The following EPG5 variants were observed in gnomAD, a reference collection of about 807,000 sequenced individuals.
The protein encoded by EPG5 is ectopic P granules protein 5 homolog.
Under a neutral mutation model 302.7 loss-of-function variants are expected in EPG5, and 159 were observed. The observed-to-expected ratio is 0.53, with a 90% confidence interval of 0.46 to 0.60. The LOEUF (loss-of-function observed/expected upper bound fraction) is 0.60. Among genes scored for constraint, EPG5 ranks in the 20% least tolerant of loss-of-function variants. The probability of loss-of-function intolerance (pLI) is 0.00; values close to 1 mark genes in which losing one functional copy is unlikely to be tolerated. For missense variants in EPG5, 2,896 were observed against 3,092.4 expected (o/e 0.94, Z 1.51); for synonymous variants, 1,158 against 1,136.8 (o/e 1.02, Z -0.37).
At position 45,858,062 on chromosome 18, in the gene EPG5, C is replaced by A. The variant is rs763354631; in HGVS notation, c.7233G>T (p.Val2411=). The A allele has an allele frequency of 6.2e-7, 1 of 1,613,230 alleles. No homozygotes were observed. Among genetic ancestry groups the A allele is most frequent in the Non-Finnish European group, 8.5e-7 (1 of 1,179,436 alleles). ...ACAAAAACAGCTTTGCCTCTTCCTC[C>A]ACGGAGCTAGGGGAGGCACCGGAGG... is the stretch of plus-strand genomic sequence containing the variant. ...KWLEQVYPSS[V]EEEAKLFLWW... is the part of the protein sequence containing the mutation. The change falls in exon 42 of 44, where the codon GTG becomes GTT. Residue 2411 remains valine (V), a synonymous_variant. Transcript: ENST00000282041.
intron 12 of EPG5, among the ~76,000 whole-genome samples, chr18:45,930,167 C>T (rs757910988): frequency 1.5e-4 from 23 of 152,328 alleles, no homozygotes; most frequent in Non-Finnish European, 2.6e-4. Context: ...CAAGGATCTC[C>T]TCCCAGCCTG....
At chr18:45,929,292 C>A (rs1429439127) in intron 12 of EPG5, among the ~76,000 whole-genome samples, 1 of 152,108 alleles carries the variant, frequency 6.6e-6, no homozygotes, top group Non-Finnish European at 1.5e-5. Context: ...TAAAATGGTT[C>A]CTGCAGTTTC....
intron 10 of EPG5, among the ~76,000 whole-genome samples, chr18:45,936,608 G>A (rs536121830): frequency 6.6e-6 from 1 of 151,088 alleles, no homozygotes; most frequent in African/African-American, 2.4e-5. Flanking sequence ...TGCGCCTATA[G>A]TCTCAGCTAC....
Position 45,860,521 on chromosome 18 carries a change from G to T in EPG5, c.6767-175C>A, listed in dbSNP as rs115770052. On this transcript the variant is annotated intron_variant, in intron 39 of 43. Coordinates refer to ENST00000282041, the MANE Select transcript of EPG5 (RefSeq NM_020964.3). ...GGATGGTGTTAAGTTTGTACAGGTA[G>T]TATGCGGCACACGGTTACTAAGAGT... Among the ~76,000 whole-genome samples, 1,107 of 152,356 alleles carry T rather than the reference G, an allele frequency of 7.3e-3. 15 individuals carry two copies. Among genetic ancestry groups the T allele is most frequent in the African/African-American group, 0.025 (1,056 of 41,584 alleles).
intron 9 of EPG5, among the ~76,000 whole-genome samples, chr18:45,941,482 C>A (rs962544470): frequency 6.6e-6 from 1 of 152,040 alleles, no homozygotes; most frequent in African/African-American, 2.4e-5. Flanking sequence ...TGAAGGCAAG[C>A]CCTTATGGGA....
At chr18:45,855,452 G>A in intron 43 of EPG5, 121 bp downstream of exon 43, 1 of 649,530 alleles carries the variant, frequency 1.5e-6, no homozygotes, top group Non-Finnish European at 2.6e-6. Context: ...ACATGAAAGG[G>A]AACACTGTGC....
the EPG5 span, among the ~76,000 whole-genome samples, chr18:45,827,135 C>G: frequency 6.6e-6 from 1 of 152,166 alleles, no homozygotes; most frequent in African/African-American, 2.4e-5. Context: ...AGCCTGGTCT[C>G]GAACTCCTGA....
At chr18:45,912,996 G>A (rs565110965) in intron 21 of EPG5, among the ~76,000 whole-genome samples, 6 of 151,812 alleles carry the variant, frequency 4.0e-5, no homozygotes, top group African/African-American at 1.5e-4. Context: ...GCTGAGGCAT[G>A]AGAATTGCTT....
chr18:45,807,397 G>A, the EPG5 span, among the ~76,000 whole-genome samples: 10 of 152,250 alleles, frequency 6.6e-5, no homozygotes, highest in East Asian at 3.9e-4. Context: ...TCTGGAAAGC[G>A]CCACCTCCTG....
In EPG5 at chr18:45,882,421, A is replaced by C. The variant is rs2049117384; in HGVS notation, c.5371T>G (p.Ser1791Ala). 1 of 1,614,158 alleles carries C rather than the reference A, an allele frequency of 6.2e-7. No homozygotes were observed. The highest frequency in any genetic ancestry group is 8.5e-7 in the Non-Finnish European group (1 of 1,180,022). ...PLSDRTRLLE[S>A]IHLALTAWGL... The stretch of plus-strand genomic sequence containing the variant: ...CAGGCAGTAAGTGCCAAGTGAATGG[A>C]CTCCAGAAGCCTGGTACGATCAGAC... The change falls in exon 31 of 44, where the codon TCC becomes GCC. Residue 1791 changes from serine (S) to alanine (A), a missense_variant. Physicochemically the swap from Ser to Ala is moderately conservative, Grantham distance 99. This residue lies in a region of EPG5 where 790 missense variants were observed against 798.0 expected (regional missense o/e 0.99). Transcript: ENST00000282041.
the EPG5 span, among the ~76,000 whole-genome samples, chr18:45,810,616 A>G: frequency 6.6e-6 from 1 of 152,182 alleles, no homozygotes; most frequent in Non-Finnish European, 1.5e-5. Context: ...CCCTGTCTCT[A>G]CTAAAAATAC....
chr18:45,859,294 T>C (rs746700697), intron 40 of EPG5, among the ~76,000 whole-genome samples: 4 of 152,232 alleles, frequency 2.6e-5, no homozygotes, highest in Non-Finnish European at 4.4e-5. Context: ...GAGTTTGGAA[T>C]AGCAGTGTTA....
At chr18:45,838,705 T>C in the EPG5 span, 1 of 1,561,814 alleles carries the variant, frequency 6.4e-7, no homozygotes, top group South Asian at 1.2e-5. Context: ...GTCACCCGCC[T>C]TCTCCCCTGC....
intron 35 of EPG5, 130 bp from the exon 36 acceptor site, chr18:45,870,872 G>A: frequency 4.2e-6 from 3 of 706,116 alleles, no homozygotes; most frequent in Non-Finnish European, 4.5e-6. Flanking sequence ...AGATTTTCAT[G>A]TAGGGAGAGT....
chr18:45,943,301 T>C lies in EPG5; in HGVS notation c.1803A>G (p.Leu601=). ...LLGFKAKGDY[L]PETTRPQEMM... The stretch of plus-strand genomic sequence containing the variant: ...TCTCTTGAGGTCTTGTTGTTTCAGG[T>C]AAATAATCACCTAGAAGTTAATCAG... Residue 601 remains leucine (L), a synonymous_variant, in exon 9 of 44, where the codon TTA becomes TTG. Coordinates refer to ENST00000282041, the MANE Select transcript of EPG5 (RefSeq NM_020964.3). The C allele has an allele frequency of 6.2e-7, 1 of 1,613,820 alleles. No homozygotes were observed. The highest frequency in any genetic ancestry group is 1.3e-5 in the African/African-American group (1 of 75,000).
chr18:45,900,893 C>T (rs2145586961), intron 26 of EPG5, 103 bp downstream of exon 26: 1 of 1,314,742 alleles, frequency 7.6e-7, no homozygotes, highest in Non-Finnish European at 1.0e-6. Context: ...AAACTATCCT[C>T]ATTGTAAAAA....
In EPG5 at chr18:45,916,202, T is replaced by A; in HGVS notation, c.3389A>T (p.His1130Leu). 6.2e-7 allele frequency: 1 copy of A among 1,609,054 alleles called. No individual in the cohort carries two copies. The highest frequency in any genetic ancestry group is 8.5e-7 in the Non-Finnish European group (1 of 1,178,598). The change falls in exon 19 of 44, where the codon CAC becomes CTC. Residue 1130 changes from histidine to leucine, a missense_variant. Coordinates refer to ENST00000282041, the MANE Select transcript of EPG5 (RefSeq NM_020964.3). ...VKLLNSMIQA[H>L]ISVSTQPNEV... ...ATTGGGCTGAGTGCTTACAGATATG[T>A]GTGCCTGTGGAGAAAAGGCTCATGT...
At chr18:45,966,938 G>A (rs2051277010) in intron 1 of EPG5, among the ~76,000 whole-genome samples, 1 of 152,182 alleles carries the variant, frequency 6.6e-6, no homozygotes, top group African/African-American at 2.4e-5. Flanking sequence ...AGAGGCCAGT[G>A]AAGTCACAGG....
intron 14 of EPG5, among the ~76,000 whole-genome samples, chr18:45,925,200 G>A (rs1427207812): frequency 6.6e-6 from 1 of 152,228 alleles, no homozygotes; most frequent in African/African-American, 2.4e-5. Flanking sequence ...GCCAGGCACG[G>A]TGGCTCATGC....
Sources: allele counts gnomAD v4.1 joint callset (sites outside exome capture counted in the v4.1 genomes callset), GRCh38; gene constraint gnomAD v4.1.1; regional missense constraint gnomAD v4.1.1; transcripts MANE v1.5; gene names NCBI Gene and HGNC (gene_info 2026-07-23, HGNC 2026-07-21).